Variants in PRICKLE3 observed in about 807,000 individuals in gnomAD.
The protein encoded by PRICKLE3 is prickle planar cell polarity protein 3.
PRICKLE3 carries 17 observed loss-of-function variants against 33.8 expected under a neutral mutation model. That is an observed-to-expected ratio of 0.50 (90% CI 0.34 to 0.75). The LOEUF (loss-of-function observed/expected upper bound fraction) is 0.75, where lower values mean the gene tolerates loss of function less well. PRICKLE3 is among the 30% of genes least tolerant of loss of function. The pLI is 0.01. For missense variants in PRICKLE3, 573 were observed against 576.7 expected, an observed-to-expected ratio of 0.99 and a Z score of 0.07; for synonymous variants, 211 against 219.6, an observed-to-expected ratio of 0.96 and a Z score of 0.34.
chrX:49,182,557 G>A (rs970164490), intron 3 of PRICKLE3, among the ~76,000 whole-genome samples: 1 of 112,657 alleles, frequency 8.9e-6, no homozygotes, highest in African/African-American at 3.2e-5. Context: ...CATTAGCCAT[G>A]CCCTTTGCCT....
chrX:49,178,776 G>A (rs1557100562), intron 5 of PRICKLE3, among the ~76,000 whole-genome samples: 1 of 111,956 alleles, frequency 8.9e-6, no homozygotes, highest in South Asian at 3.7e-4. Context: ...CAGGCCTAGT[G>A]GGGGAAACCA....
chrX:49,184,922 T>C, intron 1 of PRICKLE3: 1 of 1,096,212 alleles, frequency 9.1e-7, no homozygotes, highest in Non-Finnish European at 1.2e-6. Flanking sequence ...CCTCCTTATA[T>C]GTCCCCTTTT....
intron 2 of PRICKLE3, 94 bp from the exon 3 acceptor site, chrX:49,184,011 T>TTA: frequency 9.7e-7 from 1 of 1,033,486 alleles, no homozygotes; most frequent in Non-Finnish European, 1.3e-6. Flanking sequence ...GACATACAGA[T>TTA]TATCACCACC....
At chrX:49,180,788 T>C (rs975462692) in intron 3 of PRICKLE3, among the ~76,000 whole-genome samples, 2 of 111,598 alleles carry the variant, frequency 1.8e-5, no homozygotes, top group Admixed American at 9.6e-5. Flanking sequence ...CTTATGGCTG[T>C]AAATATCATC....
intron 3 of PRICKLE3, among the ~76,000 whole-genome samples, chrX:49,180,694 C>T (rs1192746056): frequency 1.8e-5 from 2 of 111,449 alleles, no homozygotes; most frequent in African/African-American, 3.3e-5. Flanking sequence ...ACTAGCTGAC[C>T]CCTAAATGCA....
At chrX:49,184,744 G>A (rs1557101665) in intron 1 of PRICKLE3, 34 bp from the exon 2 acceptor site, 1 of 1,163,264 alleles carries the variant, frequency 8.6e-7, no homozygotes, top group South Asian at 1.9e-5. Flanking sequence ...AGGGCCGGGT[G>A]AGGCGCGGAA....
chrX:49,181,562 C>CAAGTATATGT (rs2065452664), intron 3 of PRICKLE3, among the ~76,000 whole-genome samples: 1 of 1,491 alleles, frequency 6.7e-4, no homozygotes. Flanking sequence ...TATATATATA[C>CAAGTATATGT]ACGTATATAT....
intron 8 of PRICKLE3, 48 bp from the exon 9 acceptor site, chrX:49,176,313 G>T: frequency 2.0e-6 from 2 of 995,950 alleles, no homozygotes; most frequent in Non-Finnish European, 2.7e-6. Flanking sequence ...CCTCCCACTG[G>T]CCCCCTCCTA....
intron 3 of PRICKLE3, among the ~76,000 whole-genome samples, chrX:49,180,451 G>A (rs1238633801): frequency 9.0e-6 from 1 of 111,039 alleles, no homozygotes; most frequent in Non-Finnish European, 1.9e-5. Context: ...GCAGGCTTCC[G>A]CTCCCATCCC....
intron 5 of PRICKLE3, among the ~76,000 whole-genome samples, chrX:49,178,820 A>G (rs1402852928): frequency 9.0e-6 from 1 of 111,452 alleles, no homozygotes; most frequent in East Asian, 2.8e-4. Context: ...GACCTTAGCA[A>G]TAGATCTCAC....
chrX:49,178,425 T>C lies in PRICKLE3; in HGVS notation c.615A>G (p.Ala205=). The C allele has an allele frequency of 1.7e-6, 2 of 1,211,716 alleles. No homozygotes were observed. The highest frequency in any genetic ancestry group is 2.2e-6 in the Non-Finnish European group (2 of 895,050). Residue 205 remains alanine (A), a synonymous_variant, in exon 6 of 9, where the codon GCA becomes GCG. Transcript: ENST00000599218. ...GTGGGTGCCAGCAGGCACCCAGGCC[T>C]GCACGGCTGGCAAACACTGCGATGT... ...GGDIAVFASR[A]GLGACWHPQC...
At position 49,179,371 on chromosome X, in the gene PRICKLE3, T is replaced by C. The variant is rs782250865; in HGVS notation, c.444A>G (p.Ala148=). 2.5e-6 allele frequency: 3 copies of C among 1,209,277 alleles called. No homozygotes were observed. Among genetic ancestry groups the C allele is most frequent in the Non-Finnish European group, 3.4e-6 (3 of 894,800 alleles). The change falls in exon 5 of 9, where the codon GCA becomes GCG. Residue 148 remains alanine, a synonymous_variant. Coordinates refer to ENST00000599218, the MANE Select transcript of PRICKLE3 (RefSeq NM_006150.5). ...GCTCTTTCTTTTCCTCCTCTTCCAG[T>C]GCTGTGCAGTACTGTGCCTGGGAGG... The part of the protein sequence containing the change: ...PHDSEAQYCT[A]LEEEEKKELR...
chrX:49,176,947 G>A lies in PRICKLE3; in HGVS notation c.1211C>T (p.Ala404Val). The change falls in exon 8 of 9, where the codon GCA becomes GTA. Residue 404 changes from alanine to valine, a missense_variant. Ala to Val is a moderately conservative substitution (Grantham distance 64, BLOSUM62 0). Coordinates refer to ENST00000599218, the MANE Select transcript of PRICKLE3 (RefSeq NM_006150.5). The stretch of plus-strand genomic sequence containing the variant: ...GGTGCCTTTGGTGGTGGTCTCTGAT[G>A]CCCCCTTCACAGCAGAGAAAGAGGC... ...STASFSAVKG[A>V]SETTTKGTST... 1 of 1,206,971 alleles carries A rather than the reference G, an allele frequency of 8.3e-7. No homozygotes were observed. Among genetic ancestry groups the A allele is most frequent in the African/African-American group, 1.7e-5 (1 of 57,564 alleles).
At chrX:49,185,815 CGCT>C (rs1463440350) in intron 1 of PRICKLE3, among the ~76,000 whole-genome samples, 1 of 104,742 alleles carries the variant, frequency 9.5e-6, no homozygotes, top group East Asian at 3.1e-4. Flanking sequence ...GCAGGAGAAT[CGCT>C]TGAACCCAGG....
intron 3 of PRICKLE3, among the ~76,000 whole-genome samples, chrX:49,181,390 A>G (rs1465507639): frequency 1.8e-3 from 143 of 78,106 alleles, no homozygotes; most frequent in Non-Finnish European, 2.5e-3. Flanking sequence ...GTGTGTGTGT[A>G]TATATATATA....
At chrX:49,185,745 A>G (rs1223320888) in intron 1 of PRICKLE3, among the ~76,000 whole-genome samples, 1 of 109,954 alleles carries the variant, frequency 9.1e-6, no homozygotes, top group Non-Finnish European at 1.9e-5. Context: ...TACTAAAAAT[A>G]CAAAAATTAG....
At chrX:49,183,624 C>T in intron 3 of PRICKLE3, 110 bp downstream of exon 3, 1 of 1,158,402 alleles carries the variant, frequency 8.6e-7, no homozygotes, top group South Asian at 1.9e-5. Context: ...TCTGACTGCA[C>T]ACTCTAGCGT....
rs1557100268 is a variant in PRICKLE3, at chrX:49,177,197, C to T, written c.961G>A (p.Asp321Asn). The T allele has an allele frequency of 4.3e-6, 5 of 1,164,112 alleles. No homozygotes were observed. The highest frequency in any genetic ancestry group is 4.6e-6 in the Non-Finnish European group (4 of 875,863). ...CDGCGEHIGLDQGQMAYEGQH... is the reference protein window; with the variant it reads ...CDGCGEHIGLNQGQMAYEGQH... ...CCCTCGTAAGCCATCTGGCCTTGGT[C>T]CAGGCCTGTGGGGAACGACGAGGGG... Residue 321 changes from aspartate (D) to asparagine (N), a missense_variant, in exon 8 of 9, where the codon GAC becomes AAC. Transcript: ENST00000599218.
chrX:49,185,896 C>CA (rs35472415), intron 1 of PRICKLE3, among the ~76,000 whole-genome samples: 3,962 of 29,381 alleles, frequency 0.13, 312 homozygotes, highest in African/African-American at 0.18. Context: ...GATTCAGTCT[C>CA]AAAAAAAAAA....
Sources: allele counts gnomAD v4.1 joint callset (sites outside exome capture counted in the v4.1 genomes callset), GRCh38; gene constraint gnomAD v4.1.1; transcripts MANE v1.5; gene names NCBI Gene and HGNC (gene_info 2026-07-23, HGNC 2026-07-21).